Variants in STON1 observed in about 807,000 individuals in gnomAD.
The protein encoded by STON1 is stonin-1.
Under a neutral mutation model 60.9 loss-of-function variants are expected in STON1, and 79 were observed. That is an observed-to-expected ratio of 1.30 (90% confidence interval 1.08 to 1.56). STON1 has a LOEUF of 1.56. Ranked by LOEUF, STON1 falls within the 40% of genes most tolerant of loss-of-function variation. STON1 has a pLI of 0.00. For missense variants in STON1, 1,166 were observed against 858.9 expected (o/e 1.36, Z -4.47); for synonymous variants, 363 against 306.9 (o/e 1.18, Z -1.91).
intron 1 of STON1, among the ~76,000 whole-genome samples, chr2:48,579,157 C>T (rs986003531): frequency 6.6e-6 from 1 of 151,738 alleles, no homozygotes; most frequent in South Asian, 2.1e-4. Flanking sequence ...GTGTGTGCCA[C>T]CATGCCCAGC....
At chr2:48,540,652 C>G (rs1213651501) in intron 1 of STON1, among the ~76,000 whole-genome samples, 3 of 152,246 alleles carry the variant, frequency 2.0e-5, no homozygotes, top group Non-Finnish European at 2.9e-5. Context: ...TCCCTGAGTT[C>G]TGTGAGCTGC....
chr2:48,571,502 A>G (rs536581906), intron 1 of STON1, among the ~76,000 whole-genome samples: 1 of 152,332 alleles, frequency 6.6e-6, no homozygotes, highest in African/African-American at 2.4e-5. Flanking sequence ...CCTACTTGTA[A>G]TGCAGGAACA....
intron 1 of STON1, among the ~76,000 whole-genome samples, chr2:48,535,446 C>T (rs1172997988): frequency 6.6e-6 from 1 of 152,126 alleles, no homozygotes; most frequent in African/African-American, 2.4e-5. Context: ...GCAAGCAGCT[C>T]CTGGGATCAC....
At position 48,591,811 on chromosome 2, in the gene STON1, C is replaced by A; in HGVS notation, c.2089C>A (p.Gln697Lys). The change falls in exon 3 of 4, where the codon CAG becomes AAG. Residue 697 changes from glutamine to lysine, a missense_variant. Gln to Lys is a moderately conservative substitution (Grantham distance 53). Transcript: ENST00000404752. ...GTCTCTGGGAGTGGAGAGTGATGTC[C>A]AGCCACAGAAACATGTTCAGCAGCG... ...VRSLGVESDV[Q>K]PQKHVQQRAC... is the part of the protein sequence containing the mutation. The A allele has an allele frequency of 6.2e-7, 1 of 1,614,160 alleles. No homozygotes were observed. The highest frequency in any genetic ancestry group is 8.5e-7 in the Non-Finnish European group (1 of 1,180,022).
intron 1 of STON1, among the ~76,000 whole-genome samples, chr2:48,535,610 C>T (rs539227283): frequency 8.6e-5 from 13 of 151,258 alleles, no homozygotes; most frequent in Admixed American, 2.6e-4. Flanking sequence ...TTTGGGAGGC[C>T]GACGTGGGGG....
chr2:48,579,157 C>G lies in STON1; in HGVS notation c.-47-1430C>G, dbSNP rs986003531. On this transcript the variant is annotated intron_variant, in intron 1 of 3. Coordinates refer to ENST00000404752, the MANE Select transcript of STON1 (RefSeq NM_006873.4). ...TAGCTGGGATTACAAGTGTGTGCCA[C>G]CATGCCCAGCTAATTTTTTGTATTT... Among the ~76,000 whole-genome samples the G allele has an allele frequency of 2.0e-5, 3 of 151,858 alleles. No homozygotes were observed. In the South Asian group the frequency reaches 6.2e-4, roughly 32 times the overall value.
chr2:48,564,416 CTTCT>C (rs1672747740), intron 1 of STON1, among the ~76,000 whole-genome samples: 1 of 48,904 alleles, frequency 2.0e-5, no homozygotes, highest in Non-Finnish European at 4.7e-5. Context: ...TCTTCTTCTT[CTTCT>C]TCTTCTTCTT....
intron 1 of STON1, among the ~76,000 whole-genome samples, chr2:48,550,097 G>A (rs917537260): frequency 2.0e-5 from 3 of 152,040 alleles, no homozygotes; most frequent in Non-Finnish European, 4.4e-5. Context: ...CTGAAGTGTG[G>A]AGCAAGACTT....
chr2:48,551,319 C>T (rs1279559469), intron 1 of STON1, among the ~76,000 whole-genome samples: 7 of 152,142 alleles, frequency 4.6e-5, no homozygotes. Context: ...AGTCCTCCTG[C>T]AGTGAAGGAA....
chr2:48,534,260 G>T (rs1056730477), intron 1 of STON1, among the ~76,000 whole-genome samples: 1 of 152,028 alleles, frequency 6.6e-6, no homozygotes, highest in Non-Finnish European at 1.5e-5. Context: ...TGAGAACTAA[G>T]CACTTACATA....
Position 48,580,814 on chromosome 2 carries a change from C to T in STON1, c.181C>T (p.Pro61Ser), listed in dbSNP as rs758579844. The part of the protein sequence containing the change: ...PSGSSSTSST[P>S]LSSPIVDFYF... ...TGGATCTTCCTCCACCAGCAGCACT[C>T]CTCTCTCCTCCCCCATTGTAGATTT... Residue 61 changes from proline (P) to serine (S), a missense_variant, in exon 2 of 4, where the codon CCT (proline) becomes TCT (serine). Transcript: ENST00000404752. The T allele has an allele frequency of 6.5e-7, 1 of 1,549,758 alleles. No homozygotes were observed. The highest frequency in any genetic ancestry group is 1.4e-5 in the African/African-American group (1 of 72,796).
intron 2 of STON1, among the ~76,000 whole-genome samples, chr2:48,588,112 A>G (rs1674316549): frequency 6.6e-6 from 1 of 152,196 alleles, no homozygotes; most frequent in Non-Finnish European, 1.5e-5. Context: ...CCCAGGAATC[A>G]CCTTGTTAAA....
At position 48,530,168 on chromosome 2, in the gene STON1, C is replaced by T. The variant is rs766712261; in HGVS notation, c.-96C>T. The T allele has an allele frequency of 3.3e-4, 136 of 414,630 alleles. No homozygotes were observed. Among genetic ancestry groups the T allele is most frequent in the Middle Eastern group, 6.1e-4 (1 of 1,632 alleles). 25.7% of individuals were successfully genotyped at this position (414,630 alleles called of 1,614,324 possible). ...TCCTCCCCCTCCTCTTCCTCCGCCT[C>T]CTGGTGTGGCTGGCTGCGGCCAGAA... On this transcript the variant is annotated 5_prime_UTR_variant, in exon 1 of 4. Coordinates refer to ENST00000404752, the MANE Select transcript of STON1 (RefSeq NM_006873.4).
intron 1 of STON1, among the ~76,000 whole-genome samples, chr2:48,561,222 A>G (rs1672596791): frequency 6.6e-6 from 1 of 152,190 alleles, no homozygotes; most frequent in African/African-American, 2.4e-5. Flanking sequence ...AATGTGCATA[A>G]AACCAGCTCC....
chr2:48,591,606 CA>C (rs1391778115), intron 2 of STON1, 46 bp from the exon 3 acceptor site: 2 of 1,599,632 alleles, frequency 1.3e-6, no homozygotes, highest in Admixed American at 3.4e-5. Flanking sequence ...GAGAAATGTT[CA>C]ATGGCCATTA....
Position 48,581,899 on chromosome 2 carries a change from C to G in STON1, c.1266C>G (p.Asn422Lys), listed in dbSNP as rs140401118. The change falls in exon 2 of 4, where the codon AAC (asparagine) becomes AAG (lysine). Residue 422 changes from asparagine (N) to lysine (K), a missense_variant. Transcript: ENST00000404752. ...EQEISLEIVD[N>K]FWGKVTKEGK... ...AAATTTCCTTGGAAATTGTGGACAA[C>G]TTTTGGGGTAAAGTCACAAAAGAAG... 8.5e-4 allele frequency: 1,365 copies of G among 1,613,966 alleles called. 11 individuals are homozygous for G. In the African/African-American group the frequency reaches 0.016, roughly 19 times the overall value.
chr2:48,548,157 T>C (rs1671938111), intron 1 of STON1, among the ~76,000 whole-genome samples: 1 of 152,234 alleles, frequency 6.6e-6, no homozygotes, highest in African/African-American at 2.4e-5. Context: ...GGCCAGGGCC[T>C]TTCTAGGGAC....
chr2:48,564,473 CTTCTTCTTTCTTCTTCTTCTT>C lies in STON1; in HGVS notation c.-47-16113_-47-16093del, dbSNP rs1672778743. Reference sequence around the variant, plus strand: ...TCTTCTTCTTCTTCTTCTTCTTCTTCTTCTTCTTTCTTCTTCTTCTTCTTCTTCTTCTTCTTCTTCTTCTTC... The same window carrying C: ...TCTTCTTCTTCTTCTTCTTCTTCTTCCTTCTTCTTCTTCTTCTTCTTCTTC... On this transcript the variant is annotated intron_variant, in intron 1 of 3. Coordinates refer to ENST00000404752, the MANE Select transcript of STON1 (RefSeq NM_006873.4). Among the ~76,000 whole-genome samples, 15 of 51,744 alleles carry C rather than the reference CTTCTTCTTTCTTCTTCTTCTT, an allele frequency of 2.9e-4. 1 individual carries two copies. The highest frequency in any genetic ancestry group is 9.1e-4 in the African/African-American group (12 of 13,162). The allele number at this position is 51,744 out of a possible 152,430, so 33.9% of individuals were successfully genotyped here.
chr2:48,560,263 T>C (rs2103823359), intron 1 of STON1, among the ~76,000 whole-genome samples: 1 of 152,310 alleles, frequency 6.6e-6, no homozygotes, highest in South Asian at 2.1e-4. Context: ...ATATTTAAAA[T>C]GTGTGATCTG....
Sources: allele counts gnomAD v4.1 joint callset (sites outside exome capture counted in the v4.1 genomes callset), GRCh38; gene constraint gnomAD v4.1.1; transcripts MANE v1.5; gene names NCBI Gene and HGNC (gene_info 2026-07-23, HGNC 2026-07-21).